The following ABCB1 variants were observed in gnomAD, a reference collection of about 807,000 sequenced individuals.
ABCB1 encodes the protein ATP-dependent translocase ABCB1.
A neutral mutation model predicts 142.0 loss-of-function variants in ABCB1; 69 were observed. The observed-to-expected ratio is 0.49, with a 90% CI of 0.40 to 0.59. The LOEUF is 0.59. Ranked by LOEUF, ABCB1 falls within the 20% of genes least tolerant of loss-of-function variation. The pLI, the probability that ABCB1 is intolerant of heterozygous loss-of-function variation, is 0.00. For missense variants in ABCB1, 1,326 were observed against 1,554.7 expected (o/e 0.85, Z 2.47); for synonymous variants, 532 against 539.2 (o/e 0.99, Z 0.18).
chr7:87,660,092 A>G (rs1481714092), intron 1 of ABCB1, among the ~76,000 whole-genome samples: 1 of 152,024 alleles, frequency 6.6e-6, no homozygotes, highest in Non-Finnish European at 1.5e-5. Flanking sequence ...TTTTGTTGTC[A>G]AGGTTATCCT....
At chr7:87,630,154 T>A (rs532392016) in intron 1 of ABCB1, among the ~76,000 whole-genome samples, 51 of 152,314 alleles carry the variant, frequency 3.3e-4, no homozygotes, top group African/African-American at 1.1e-3. Flanking sequence ...CAGATGATGA[T>A]GAAACTTTTT....
chr7:87,635,710 A>G (rs546416437), intron 1 of ABCB1, among the ~76,000 whole-genome samples: 38 of 152,344 alleles, frequency 2.5e-4, no homozygotes, highest in Non-Finnish European at 4.7e-4. Context: ...CAATGTTGTA[A>G]CTAGCACCCA....
At chr7:87,679,097 T>A (rs1267320519) in intron 1 of ABCB1, among the ~76,000 whole-genome samples, 1 of 140,626 alleles carries the variant, frequency 7.1e-6, no homozygotes, top group African/African-American at 2.7e-5. Flanking sequence ...CTTTTTTTTT[T>A]TTTTTTTTTT....
At chr7:87,546,619 C>G (rs113020670) in intron 14 of ABCB1, among the ~76,000 whole-genome samples, 2 of 151,558 alleles carry the variant, frequency 1.3e-5, no homozygotes, top group Non-Finnish European at 1.5e-5. Flanking sequence ...CCAACAAATT[C>G]CTACAGACCA....
At chr7:87,600,019 AAAC>A (rs1819379016) in intron 2 of ABCB1, 95 bp downstream of exon 2, 3 of 1,219,734 alleles carry the variant, frequency 2.5e-6, no homozygotes, top group Non-Finnish European at 3.5e-6. Flanking sequence ...AAATAATTAA[AAAC>A]AACAACATGT....
chr7:87,690,683 A>T (rs1388053575), intron 1 of ABCB1, among the ~76,000 whole-genome samples: 1 of 152,164 alleles, frequency 6.6e-6, no homozygotes, highest in Non-Finnish European at 1.5e-5. Context: ...GTAAATACAA[A>T]GTGAAAGATT....
At chr7:87,598,088 A>G (rs1010425317) in intron 2 of ABCB1, among the ~76,000 whole-genome samples, 3 of 152,208 alleles carry the variant, frequency 2.0e-5, no homozygotes, top group Admixed American at 6.5e-5. Context: ...TGTAAAATAC[A>G]CATCAAACAG....
intron 4 of ABCB1, among the ~76,000 whole-genome samples, chr7:87,580,024 T>A (rs1818444477): frequency 6.6e-6 from 1 of 152,212 alleles, no homozygotes. Context: ...TTATTGTAGT[T>A]ATTATTTTTT....
rs182276429 is a variant in ABCB1 at position 87,516,965 on chromosome 7, G to A, written c.2928-300C>T. Among the ~76,000 whole-genome samples the A allele has an allele frequency of 2.6e-3, 400 of 151,954 alleles. 1 individual carries two copies. Among genetic ancestry groups the A allele is most frequent in the African/African-American group, 9.0e-3 (373 of 41,424 alleles). On this transcript the variant is annotated intron_variant, in intron 23 of 27. Coordinates refer to ENST00000622132, the MANE Select transcript of ABCB1 (RefSeq NM_001348946.2). ...TTGCCCAGGCTGGTCTCGAACTACC[G>A]GGCTGAAGTGAACCTCCTGCTTCAG...
chr7:87,665,580 G>A (rs1006065703), intron 1 of ABCB1, among the ~76,000 whole-genome samples: 3 of 152,172 alleles, frequency 2.0e-5, no homozygotes, highest in Admixed American at 1.3e-4. Flanking sequence ...ACATGTGCAG[G>A]TTTGTCATCT....
chr7:87,539,398 G>A, intron 18 of ABCB1, 53 bp from the exon 19 acceptor site: 13 of 1,542,136 alleles, frequency 8.4e-6, no homozygotes, highest in East Asian at 2.2e-5. Flanking sequence ...TAAATAAAAG[G>A]AGGGAGAATT....
At chr7:87,529,298 T>A (rs1815929182) in intron 21 of ABCB1, among the ~76,000 whole-genome samples, 1 of 152,184 alleles carries the variant, frequency 6.6e-6, no homozygotes, top group Non-Finnish European at 1.5e-5. Flanking sequence ...ATCAAGTATT[T>A]AGAGCTGTTA....
At chr7:87,660,955 C>T (rs1224880961) in intron 1 of ABCB1, among the ~76,000 whole-genome samples, 8 of 151,874 alleles carry the variant, frequency 5.3e-5, no homozygotes, top group Non-Finnish European at 2.9e-5. Context: ...GTAAGACTTA[C>T]TTAAGGGCCT....
At chr7:87,505,607 TGAAGAGATGCTGCCAGTA>T (rs1814696544) in intron 27 of ABCB1, among the ~76,000 whole-genome samples, 1 of 152,230 alleles carries the variant, frequency 6.6e-6, no homozygotes, top group Non-Finnish European at 1.5e-5. Flanking sequence ...TTATGGTTGC[TGAAGAGATGCTGCCAGTA>T]GAAGTAGGAA....
At chr7:87,690,850 A>G (rs1020723189) in intron 1 of ABCB1, among the ~76,000 whole-genome samples, 2 of 152,142 alleles carry the variant, frequency 1.3e-5, no homozygotes, top group Non-Finnish European at 2.9e-5. Flanking sequence ...AGACCATTTT[A>G]TCTAGGAGTC....
At chr7:87,639,315 A>G (rs1006549189) in intron 1 of ABCB1, among the ~76,000 whole-genome samples, 4 of 152,220 alleles carry the variant, frequency 2.6e-5, no homozygotes, top group Non-Finnish European at 2.9e-5. Context: ...ATGATGCAGT[A>G]TATGGTTAAT....
intron 8 of ABCB1, among the ~76,000 whole-genome samples, chr7:87,557,245 A>G (rs557480325): frequency 3.3e-5 from 5 of 152,256 alleles, no homozygotes; most frequent in Non-Finnish European, 7.4e-5. Flanking sequence ...TCACAAAATA[A>G]CCTCTGTTTC....
rs553973578 is a variant in ABCB1, at chr7:87,537,277, T to C, written c.2398-736A>G. ...TTGAGAGAGAGTGGGGGCCACATAG[T>C]GTATGGTCTTACAGGCGACTGTCAA... On this transcript the variant is annotated intron_variant, in intron 19 of 27. Coordinates refer to ENST00000622132, the MANE Select transcript of ABCB1 (RefSeq NM_001348946.2). Among the ~76,000 whole-genome samples, 4 of 152,282 alleles carry C rather than the reference T, an allele frequency of 2.6e-5. No homozygotes were observed. In the East Asian group the frequency reaches 7.7e-4, roughly 29 times the overall value.
intron 1 of ABCB1, among the ~76,000 whole-genome samples, chr7:87,698,733 T>C (rs985417440): frequency 6.6e-6 from 1 of 152,174 alleles, no homozygotes; most frequent in Non-Finnish European, 1.5e-5. Flanking sequence ...TAAGACAAAA[T>C]TCCTGCCTTA....
Sources: allele counts gnomAD v4.1 joint callset (sites outside exome capture counted in the v4.1 genomes callset), GRCh38; gene constraint gnomAD v4.1.1; transcripts MANE v1.5; gene names NCBI Gene and HGNC (gene_info 2026-07-23, HGNC 2026-07-21).